VTA1: variants seen among roughly 807,000 people sequenced by gnomAD.
The protein encoded by VTA1 is vesicle trafficking 1, also known as vacuolar protein sorting-associated protein VTA1 homolog.
In VTA1, 24 loss-of-function variants were observed where a neutral mutation model predicts 36.9. The ratio of observed to expected loss-of-function variants is 0.65; its 90% CI spans 0.47 to 0.91. The LOEUF is 0.91. Among genes scored for constraint, VTA1 ranks in the 40% least tolerant of loss-of-function variants. VTA1 has a pLI of 0.00. For missense variants in VTA1, 393 were observed against 377.2 expected, an observed-to-expected ratio of 1.04 and a Z score of -0.35; for synonymous variants, 142 against 130.2, an observed-to-expected ratio of 1.09 and a Z score of -0.62.
At chr6:142,200,184 A>G (rs2114675347) in intron 6 of VTA1, among the ~76,000 whole-genome samples, 1 of 152,242 alleles carries the variant, frequency 6.6e-6, no homozygotes, top group South Asian at 2.1e-4. Context: ...TATGAAATTA[A>G]TCATACTTAC....
Position 142,168,491 on chromosome 6 carries a change from G to C in VTA1, c.208-1059G>C, listed in dbSNP as rs562259739. ...ATTAACTAGTTTGATGCTCAGATCT[G>C]ATACTCCAGAGAGTTATTTTATTCC... is the stretch of plus-strand genomic sequence containing the variant. On this transcript the variant is annotated intron_variant, in intron 2 of 7. Coordinates refer to ENST00000367630, the MANE Select transcript of VTA1 (RefSeq NM_016485.5). Among the ~76,000 whole-genome samples, 116 of 151,836 alleles carry C rather than the reference G, an allele frequency of 7.6e-4. 1 individual carries two copies. The Middle Eastern group carries it at 0.01, about 13-fold the overall frequency.
intron 1 of VTA1, among the ~76,000 whole-genome samples, chr6:142,149,167 G>A (rs1485951621): frequency 6.6e-6 from 1 of 152,152 alleles, no homozygotes; most frequent in Non-Finnish European, 1.5e-5. Flanking sequence ...TGAAATAGTT[G>A]TCCATAAGTT....
chr6:142,204,984 A>C (rs868667020), intron 7 of VTA1, among the ~76,000 whole-genome samples: 4 of 152,106 alleles, frequency 2.6e-5, no homozygotes, highest in Non-Finnish European at 4.4e-5. Flanking sequence ...TCAGCCTCCC[A>C]TACTGCTGGG....
intron 1 of VTA1, among the ~76,000 whole-genome samples, chr6:142,162,346 C>G (rs886243666): frequency 6.6e-6 from 1 of 152,116 alleles, no homozygotes; most frequent in South Asian, 2.1e-4. Context: ...TAACTCTGCT[C>G]CATGAATGGT....
At chr6:142,159,673 C>T (rs1477958001) in intron 1 of VTA1, among the ~76,000 whole-genome samples, 9 of 151,534 alleles carry the variant, frequency 5.9e-5, no homozygotes, top group African/African-American at 2.2e-4. Context: ...GCCACCACAC[C>T]CAGCTAATTT....
chr6:142,218,365 G>T, intron 7 of VTA1, 133 bp from the exon 8 acceptor site: 1 of 887,654 alleles, frequency 1.1e-6, no homozygotes, highest in Non-Finnish European at 1.7e-6. Context: ...CAAAGTTCAT[G>T]TGAGATTGAC....
At chr6:142,191,675 C>T (rs1402542970) in intron 5 of VTA1, among the ~76,000 whole-genome samples, 1 of 151,978 alleles carries the variant, frequency 6.6e-6, no homozygotes, top group Non-Finnish European at 1.5e-5. Context: ...AGAATATTTT[C>T]ACTGCATACT....
chr6:142,207,161 C>T (rs1211373572), intron 7 of VTA1, among the ~76,000 whole-genome samples: 1 of 152,140 alleles, frequency 6.6e-6, no homozygotes, highest in Non-Finnish European at 1.5e-5. Context: ...GTAGGAGAAT[C>T]AGACTTCCAC....
chr6:142,187,518 C>T (rs1775362227), intron 4 of VTA1, among the ~76,000 whole-genome samples: 1 of 152,216 alleles, frequency 6.6e-6, no homozygotes, highest in African/African-American at 2.4e-5. Context: ...ATTCCCTGAC[C>T]TTTTGTGTTA....
At chr6:142,150,997 G>T (rs111986467) in intron 1 of VTA1, among the ~76,000 whole-genome samples, 4,675 of 152,100 alleles carry the variant, frequency 0.031, 250 homozygotes, top group African/African-American at 0.11. Flanking sequence ...TGTATAAGGG[G>T]GATGCAGGGA....
chr6:142,171,662 G>A (rs946915608), intron 4 of VTA1, among the ~76,000 whole-genome samples: 2 of 152,172 alleles, frequency 1.3e-5, no homozygotes, highest in African/African-American at 4.8e-5. Context: ...TACCATTCAT[G>A]TGGAGAATTT....
chr6:142,219,647 C>G lies in VTA1; in HGVS notation c.*1004C>G, dbSNP rs1221828055. On this transcript the variant is annotated 3_prime_UTR_variant, in exon 8 of 8. Coordinates refer to ENST00000367630, the MANE Select transcript of VTA1 (RefSeq NM_016485.5). ...GTTTTTATTTGCCTGCTAGGATTGT[C>G]TTTTTTAAAAGTCATTTTTATTTAT... The G allele has an allele frequency of 1.3e-5, 2 of 152,076 alleles. No homozygotes were observed. The highest frequency in any genetic ancestry group is 2.4e-5 in the African/African-American group (1 of 41,410). The allele number at this position is 152,076 out of a possible 1,614,324, so 9.4% of individuals were successfully genotyped here.
intron 5 of VTA1, among the ~76,000 whole-genome samples, chr6:142,194,401 T>TTTCCATTTATTTAAG (rs1775507468): frequency 6.6e-6 from 1 of 152,172 alleles, no homozygotes; most frequent in Non-Finnish European, 1.5e-5. Flanking sequence ...ATAATGTATC[T>TTTCCATTTATTTAAG]TTCCATTTAT....
chr6:142,182,884 A>G (rs1582890095), intron 4 of VTA1, among the ~76,000 whole-genome samples: 1 of 152,232 alleles, frequency 6.6e-6, no homozygotes, highest in African/African-American at 2.4e-5. Flanking sequence ...GCGTGAGATC[A>G]TCAAGTGTAG....
intron 5 of VTA1, among the ~76,000 whole-genome samples, chr6:142,191,424 G>A (rs1013363770): frequency 2.6e-5 from 4 of 152,106 alleles, no homozygotes; most frequent in African/African-American, 9.7e-5. Context: ...AAAGTAGGAA[G>A]TGTGCATTTT....
chr6:142,213,030 G>A (rs907454066), intron 7 of VTA1, among the ~76,000 whole-genome samples: 4 of 152,062 alleles, frequency 2.6e-5, no homozygotes, highest in Non-Finnish European at 4.4e-5. Context: ...GTCTTAACTC[G>A]TTTCAGCATT....
chr6:142,208,716 C>T (rs1298344815), intron 7 of VTA1, among the ~76,000 whole-genome samples: 1 of 152,096 alleles, frequency 6.6e-6, no homozygotes, highest in Non-Finnish European at 1.5e-5. Context: ...TAACAGAGCT[C>T]CAAATCGTCT....
At chr6:142,161,597 CATAAAG>C (rs1445202008) in intron 1 of VTA1, among the ~76,000 whole-genome samples, 2 of 152,098 alleles carry the variant, frequency 1.3e-5, no homozygotes, top group African/African-American at 2.4e-5. Context: ...AATATTTATT[CATAAAG>C]ATAAACACAT....
At chr6:142,210,500 A>G (rs773090617) in intron 7 of VTA1, among the ~76,000 whole-genome samples, 2 of 152,212 alleles carry the variant, frequency 1.3e-5, no homozygotes, top group African/African-American at 2.4e-5. Context: ...CAACCCATGG[A>G]ATGGGAGAAA....
Sources: gnomAD v4.1 joint callset for allele counts (sites outside exome capture counted in the v4.1 genomes callset) on GRCh38, gnomAD v4.1.1 for gene constraint, MANE v1.5 for transcripts, NCBI Gene and HGNC (gene_info 2026-07-23, HGNC 2026-07-21) for gene names.